Variants in FMN1 observed in about 807,000 individuals in gnomAD.
The protein encoded by FMN1 is formin 1.
In FMN1, 110 loss-of-function variants were observed where a neutral mutation model predicts 132.4. The observed-to-expected ratio is 0.83, with a 90% confidence interval of 0.71 to 0.97. The LOEUF is 0.97. Ranked by LOEUF, FMN1 falls within the 50% of genes least tolerant of loss-of-function variation. The pLI is 0.00. For missense variants in FMN1, 1,792 were observed against 1,705.3 expected (o/e 1.05, Z -0.90); for synonymous variants, 722 against 651.7 (o/e 1.11, Z -1.64).
At chr15:32,793,920 TAAAGA>T (rs570875962) in intron 19 of FMN1, among the ~76,000 whole-genome samples, 153 of 152,296 alleles carry the variant, frequency 1.0e-3, no homozygotes, top group African/African-American at 3.6e-3. Flanking sequence ...GTTTATCATG[TAAAGA>T]AAAGAATTCC....
intron 16 of FMN1, among the ~76,000 whole-genome samples, chr15:32,881,179 C>A (rs1172504107): frequency 1.3e-5 from 2 of 152,204 alleles, no homozygotes; most frequent in Non-Finnish European, 2.9e-5. Flanking sequence ...AAATTAGGAA[C>A]TCATCCAACA....
chr15:33,064,929 C>G (rs1217637722), intron 6 of FMN1, 28 bp downstream of exon 6: 1 of 1,511,234 alleles, frequency 6.6e-7, no homozygotes, highest in Non-Finnish European at 9.1e-7. Flanking sequence ...AGATTCATTC[C>G]CGGGTCCCTA....
intron 4 of FMN1, among the ~76,000 whole-genome samples, chr15:33,090,757 T>A (rs1457979185): frequency 6.6e-6 from 1 of 152,166 alleles, no homozygotes; most frequent in African/African-American, 2.4e-5. Flanking sequence ...GACATAGGAA[T>A]GAACTAATGC....
intron 4 of FMN1, among the ~76,000 whole-genome samples, chr15:33,106,883 G>A (rs1388281868): frequency 2.0e-5 from 3 of 151,952 alleles, no homozygotes; most frequent in South Asian, 2.1e-4. Context: ...AATCTTCTCT[G>A]TCTTCATTCA....
chr15:33,006,269 G>A (rs1199321661), intron 7 of FMN1, among the ~76,000 whole-genome samples: 1 of 151,980 alleles, frequency 6.6e-6, no homozygotes, highest in African/African-American at 2.4e-5. Flanking sequence ...ATACAAAAGG[G>A]TCAACCAATA....
intron 7 of FMN1, among the ~76,000 whole-genome samples, chr15:33,007,201 C>T (rs150639172): frequency 5.7e-4 from 86 of 152,138 alleles, no homozygotes; most frequent in African/African-American, 2.0e-3. Context: ...TATTCGCAAA[C>T]TAACAAATTT....
At chr15:32,986,577 C>A (rs1398901013) in intron 7 of FMN1, among the ~76,000 whole-genome samples, 1 of 152,036 alleles carries the variant, frequency 6.6e-6, no homozygotes, top group East Asian at 1.9e-4. Flanking sequence ...ATGTATAAAT[C>A]TAGAGTGCTC....
intron 16 of FMN1, among the ~76,000 whole-genome samples, chr15:32,868,154 T>C (rs1317564966): frequency 6.6e-6 from 1 of 152,192 alleles, no homozygotes; most frequent in African/African-American, 2.4e-5. Flanking sequence ...CATAAAATTA[T>C]AATGAAGCTG....
At chr15:32,827,194 G>A (rs757479727) in intron 17 of FMN1, among the ~76,000 whole-genome samples, 2 of 152,138 alleles carry the variant, frequency 1.3e-5, no homozygotes, top group Admixed American at 6.5e-5. Flanking sequence ...CAGCTTTACC[G>A]TCCATCTAGG....
intron 7 of FMN1, among the ~76,000 whole-genome samples, chr15:32,986,099 T>A (rs2033050882): frequency 6.6e-6 from 1 of 152,116 alleles, no homozygotes. Context: ...AGATTTATTC[T>A]TTGTGGTGGC....
intron 9 of FMN1, among the ~76,000 whole-genome samples, chr15:32,961,035 A>G (rs2140569141): frequency 6.8e-6 from 1 of 147,096 alleles, no homozygotes. Context: ...GGTTGATGGT[A>G]TCATTCAATA....
chr15:33,012,333 T>C, intron 6 of FMN1: 4 of 829,394 alleles, frequency 4.8e-6, no homozygotes, highest in South Asian at 4.0e-5. Context: ...GATGCAGCCA[T>C]GAATGCAAGG....
chr15:33,102,605 A>C (rs1251921997), intron 4 of FMN1, among the ~76,000 whole-genome samples: 1 of 151,964 alleles, frequency 6.6e-6, no homozygotes, highest in Non-Finnish European at 1.5e-5. Context: ...AATTTAAATG[A>C]TATTGGGTAT....
intron 17 of FMN1, among the ~76,000 whole-genome samples, chr15:32,836,075 C>T (rs765606448): frequency 1.3e-5 from 2 of 151,938 alleles, no homozygotes; most frequent in Non-Finnish European, 2.9e-5. Flanking sequence ...TGCCCAGGCT[C>T]GTCTTGAACT....
At chr15:32,889,380 T>C (rs347937) in intron 15 of FMN1, among the ~76,000 whole-genome samples, 45,174 of 152,056 alleles carry the variant, frequency 0.3, 7,411 homozygotes, top group African/African-American at 0.44. Flanking sequence ...TTCCTCTCTC[T>C]GCACAGGCTA....
chr15:33,143,036 T>C (rs1194740503), intron 4 of FMN1, among the ~76,000 whole-genome samples: 1 of 152,218 alleles, frequency 6.6e-6, no homozygotes, highest in Non-Finnish European at 1.5e-5. Context: ...TAAATCTCAT[T>C]TAAAAATGTA....
At chr15:33,175,233 G>GTTT (rs1353217582) in intron 3 of FMN1, among the ~76,000 whole-genome samples, 1 of 152,132 alleles carries the variant, frequency 6.6e-6, no homozygotes, top group South Asian at 2.1e-4. Flanking sequence ...TTGTTTGTTT[G>GTTT]TTTTTGTTCT....
chr15:33,091,811 GA>G (rs1018349968), intron 4 of FMN1, among the ~76,000 whole-genome samples: 2 of 151,968 alleles, frequency 1.3e-5, no homozygotes, highest in South Asian at 2.1e-4. Context: ...AATAAAAAGA[GA>G]AAAAAATCAT....
chr15:32,783,717 C>A (rs532138708), intron 19 of FMN1, among the ~76,000 whole-genome samples: 65 of 131,020 alleles, frequency 5.0e-4, no homozygotes, highest in African/African-American at 1.9e-3. Flanking sequence ...TGCACTCCAG[C>A]CTGGGCGACA....
Sources: allele counts gnomAD v4.1 joint callset (sites outside exome capture counted in the v4.1 genomes callset), GRCh38; gene constraint gnomAD v4.1.1; transcripts MANE v1.5; gene names NCBI Gene and HGNC (gene_info 2026-07-23, HGNC 2026-07-21).